The following NEU3 variants were observed in gnomAD, a reference collection of about 807,000 sequenced individuals.
NEU3 encodes the protein sialidase-3.
NEU3 carries 10 observed loss-of-function variants against 11.4 expected under a neutral mutation model. The observed-to-expected ratio is 0.88, with a 90% CI of 0.54 to 1.49. NEU3 has a LOEUF of 1.49. Ranked by LOEUF, NEU3 falls within the 40% of genes most tolerant of loss-of-function variation. The pLI, the probability that NEU3 is intolerant of heterozygous loss-of-function variation, is 0.00. For synonymous variants in NEU3, 212 were observed against 228.2 expected, an observed-to-expected ratio of 0.93 and a Z score of 0.64; for missense variants, 529 against 581.8, an observed-to-expected ratio of 0.91 and a Z score of 0.93.
the NEU3 span, among the ~76,000 whole-genome samples, chr11:74,980,569 A>G: frequency 6.6e-6 from 1 of 152,202 alleles, no homozygotes; most frequent in South Asian, 2.1e-4. Context: ...TAGCACGTTA[A>G]TTTAGACTTT....
chr11:75,010,101 TCA>T lies in NEU3; in HGVS notation c.*3612_*3613del, dbSNP rs1948941761. The T allele has an allele frequency of 6.6e-6, 1 of 152,280 alleles. No homozygotes were observed. Among genetic ancestry groups the T allele is most frequent in the Non-Finnish European group, 1.5e-5 (1 of 68,096 alleles). 9.4% of individuals were successfully genotyped at this position (152,280 alleles called of 1,614,324 possible). On this transcript the variant is annotated 3_prime_UTR_variant, in exon 3 of 3. Transcript: ENST00000294064. ...CATCTTGTCTCTGCAGTGCCAGAAT[TCA>T]CAGTCTGGGCCTCCCTTTGGTCCTT... is the stretch of plus-strand genomic sequence containing the variant.
chr11:75,011,091 C>T (rs1448171900), downstream of NEU3, among the ~76,000 whole-genome samples: 2 of 152,034 alleles, frequency 1.3e-5, no homozygotes, highest in Non-Finnish European at 2.9e-5. Context: ...ACTTAATTAC[C>T]TATTAAGGGA....
chr11:75,015,129 G>T (rs1341699602), downstream of NEU3, among the ~76,000 whole-genome samples: 1 of 152,140 alleles, frequency 6.6e-6, no homozygotes, highest in African/African-American at 2.4e-5. Context: ...GGTCTTAAGA[G>T]GTGGGGTCTT....
At chr11:74,987,482 A>T (rs1363984580), upstream of NEU3, among the ~76,000 whole-genome samples, 1 of 152,016 alleles carries the variant, frequency 6.6e-6, no homozygotes, top group East Asian at 1.9e-4. Flanking sequence ...CATTTTTTTC[A>T]TGGAACCCTG....
chr11:75,015,859 C>T (rs750941277), downstream of NEU3, among the ~76,000 whole-genome samples: 1 of 152,158 alleles, frequency 6.6e-6, no homozygotes, highest in Non-Finnish European at 1.5e-5. Context: ...TAATAATTAC[C>T]TGGAATTCCT....
chr11:75,012,467 A>C (rs146868291), downstream of NEU3, among the ~76,000 whole-genome samples: 1 of 152,240 alleles, frequency 6.6e-6, no homozygotes, highest in East Asian at 1.9e-4. Context: ...AGGCCTTTGC[A>C]TGCTAACCAT....
intron 1 of NEU3, among the ~76,000 whole-genome samples, chr11:74,990,607 ACCT>A (rs1948721280): frequency 6.6e-6 from 1 of 151,906 alleles, no homozygotes; most frequent in South Asian, 2.1e-4. Flanking sequence ...TGATCTGCCC[ACCT>A]CAGCCTCCCA....
At chr11:75,003,599 T>C (rs969896598) in intron 2 of NEU3, among the ~76,000 whole-genome samples, 15 of 152,176 alleles carry the variant, frequency 9.9e-5, no homozygotes, top group African/African-American at 3.4e-4. Context: ...GAATAAATTA[T>C]GAAAATCAGG....
At chr11:75,018,801 C>A (rs1391222861) in exon 4 of NEU3, 1 of 152,228 alleles carries the variant, frequency 6.6e-6, no homozygotes. Context: ...GAAGTTGGAA[C>A]AGTTTGGAGG....
intron 2 of NEU3, among the ~76,000 whole-genome samples, chr11:74,995,696 C>A (rs763933574): frequency 9.2e-5 from 14 of 152,092 alleles, no homozygotes; most frequent in Non-Finnish European, 1.8e-4. Context: ...ATTATTTGAA[C>A]CTTTGGCTAG....
downstream of NEU3, among the ~76,000 whole-genome samples, chr11:75,020,516 T>A (rs1053061615): frequency 2.0e-5 from 3 of 152,182 alleles, no homozygotes; most frequent in African/African-American, 7.2e-5. Context: ...TCTCATGAGG[T>A]CTGATGGCTT....
intron 2 of NEU3, among the ~76,000 whole-genome samples, chr11:75,003,488 T>A (rs1948866027): frequency 6.6e-6 from 1 of 152,216 alleles, no homozygotes; most frequent in African/African-American, 2.4e-5. Context: ...ATTGGTCTAA[T>A]TATTTAGTTT....
upstream of NEU3, among the ~76,000 whole-genome samples, chr11:74,987,765 A>G (rs1204883976): frequency 1.3e-5 from 2 of 152,090 alleles, no homozygotes; most frequent in African/African-American, 4.8e-5. Context: ...GTGAGCCAAG[A>G]TGACGCCACT....
At chr11:75,011,519 G>A (rs1948955472), downstream of NEU3, among the ~76,000 whole-genome samples, 1 of 152,132 alleles carries the variant, frequency 6.6e-6, no homozygotes, top group Non-Finnish European at 1.5e-5. Flanking sequence ...TTGGAAAGCT[G>A]AATCACAGAA....
At chr11:75,014,318 T>A (rs541691077), downstream of NEU3, among the ~76,000 whole-genome samples, 13 of 152,304 alleles carry the variant, frequency 8.5e-5, no homozygotes, top group African/African-American at 3.1e-4. Flanking sequence ...ACGAGGCAGA[T>A]CTCTGAGTCA....
chr11:75,011,375 G>A (rs1948954582), downstream of NEU3, among the ~76,000 whole-genome samples: 1 of 152,134 alleles, frequency 6.6e-6, no homozygotes, highest in South Asian at 2.1e-4. Context: ...GACGTTTAAG[G>A]CACTACTGAA....
downstream of NEU3, among the ~76,000 whole-genome samples, chr11:75,013,731 C>G (rs1403085168): frequency 3.3e-5 from 5 of 152,192 alleles, no homozygotes; most frequent in Non-Finnish European, 7.3e-5. Flanking sequence ...AAAGTGCCTA[C>G]TATGTACTTT....
Position 75,007,040 on chromosome 11 carries a change from C to G in NEU3, c.*548C>G, listed in dbSNP as rs1228698025. On this transcript the variant is annotated 3_prime_UTR_variant, in exon 3 of 3. Transcript: ENST00000294064. ...AAATATCCACACCCTTTTAATAATG[C>G]TCAGTTCTGTAGGCTCTCTATCCTA... The G allele has an allele frequency of 1.6e-5, 1 of 62,610 alleles. No individual in the cohort carries two copies. The highest frequency in any genetic ancestry group is 1.8e-4 in the Admixed American group (1 of 5,580). The allele number at this position is 62,610 out of a possible 1,614,324, so 3.9% of individuals were successfully genotyped here. A position where few individuals can be genotyped will look rare whatever the true frequency, so the allele number is the denominator to read the frequency against.
rs947490494 is a variant in NEU3 at position 75,004,494 on chromosome 11, G to A, written c.307-919G>A. The A allele has an allele frequency of 1.2e-4, 56 of 454,388 alleles. No homozygotes were observed. In the East Asian group the frequency reaches 1.9e-3, roughly 15 times the overall value. 28.1% of individuals were successfully genotyped at this position (454,388 alleles called of 1,614,324 possible). On this transcript the variant is annotated intron_variant, in intron 2 of 2. Transcript: ENST00000294064. ...TGTGAGTTGTCTGATCTTGCCCTTT[G>A]CCCATTTCTGTTGGATTCCTGGAAA...
Sources: gnomAD v4.1 joint callset for allele counts (sites outside exome capture counted in the v4.1 genomes callset) on GRCh38, gnomAD v4.1.1 for gene constraint, MANE v1.5 for transcripts, NCBI Gene and HGNC (gene_info 2026-07-23, HGNC 2026-07-21) for gene names.